The following SMIM36 variants were observed in gnomAD, a reference collection of about 807,000 sequenced individuals.
SMIM36 encodes the protein small integral membrane protein 36.
chr17:55,452,371 G>A (rs920208706), intron 4 of SMIM36, among the ~76,000 whole-genome samples: 2 of 152,150 alleles, frequency 1.3e-5, no homozygotes, highest in African/African-American at 2.4e-5. Flanking sequence ...ACACAGTTTC[G>A]TGTATATAAA....
chr17:55,511,075 C>T (rs1910172568), exon 1 of SMIM36: 2 of 398,468 alleles, frequency 5.0e-6, no homozygotes, highest in African/African-American at 2.1e-5. Flanking sequence ...GCTTTTCTTT[C>T]CTAGTGGAGC....
chr17:55,469,977 C>G (rs1909312983), intron 3 of SMIM36, among the ~76,000 whole-genome samples: 1 of 105,418 alleles, frequency 9.5e-6, no homozygotes, highest in African/African-American at 4.5e-5. Flanking sequence ...AGTGAAACTC[C>G]ATCTAAAAAA....
At chr17:55,461,437 C>G (rs1266098127) in intron 4 of SMIM36, among the ~76,000 whole-genome samples, 1 of 152,044 alleles carries the variant, frequency 6.6e-6, no homozygotes, top group Non-Finnish European at 1.5e-5. Flanking sequence ...AAAGGTGAAA[C>G]TATAGGGACA....
intron 1 of SMIM36, among the ~76,000 whole-genome samples, chr17:55,480,056 T>C (rs1258862330): frequency 6.6e-6 from 1 of 152,080 alleles, no homozygotes; most frequent in Non-Finnish European, 1.5e-5. Context: ...TCTTAGGATG[T>C]CCTATAGTAA....
chr17:55,472,938 A>C (rs1479106500), intron 3 of SMIM36, among the ~76,000 whole-genome samples: 4 of 151,876 alleles, frequency 2.6e-5, no homozygotes, highest in Non-Finnish European at 5.9e-5. Context: ...AGAAATAGCC[A>C]ATGCCTCCAC....
chr17:55,453,625 G>T (rs1317489708), intron 4 of SMIM36, among the ~76,000 whole-genome samples: 2 of 152,142 alleles, frequency 1.3e-5, no homozygotes, highest in East Asian at 1.9e-4. Flanking sequence ...ATTCTTAGAA[G>T]TTGAACACAC....
intron 1 of SMIM36, among the ~76,000 whole-genome samples, chr17:55,501,308 TTA>T (rs1909956086): frequency 2.6e-5 from 1 of 38,524 alleles, no homozygotes; most frequent in South Asian, 7.0e-4. Flanking sequence ...ATATATTATG[TTA>T]TATATTATAT....
At chr17:55,500,934 A>G in intron 1 of SMIM36, among the ~76,000 whole-genome samples, 1 of 28,240 alleles carries the variant, frequency 3.5e-5, no homozygotes, top group Admixed American at 5.9e-4. Context: ...ATTATATTTT[A>G]TAATATATAT....
chr17:55,495,565 A>T (rs1909793325), intron 1 of SMIM36, among the ~76,000 whole-genome samples: 1 of 152,014 alleles, frequency 6.6e-6, no homozygotes, highest in African/African-American at 2.4e-5. Flanking sequence ...CTAGGTAAGG[A>T]TCGGTTGAGG....
At chr17:55,486,127 C>T (rs918970827) in intron 1 of SMIM36, among the ~76,000 whole-genome samples, 12 of 151,462 alleles carry the variant, frequency 7.9e-5, no homozygotes, top group Non-Finnish European at 1.6e-4. Flanking sequence ...CCTCGCCTCC[C>T]GGGTTCAAGT....
intron 3 of SMIM36, among the ~76,000 whole-genome samples, chr17:55,471,379 G>A (rs1909339363): frequency 6.6e-6 from 1 of 152,020 alleles, no homozygotes; most frequent in African/African-American, 2.4e-5. Context: ...TCTACTCAAA[G>A]GGGTACTGAG....
chr17:55,530,837 G>A, the SMIM36 span, among the ~76,000 whole-genome samples: 44,915 of 151,998 alleles, frequency 0.3, 6,992 homozygotes, highest in East Asian at 0.49. Context: ...ATTCTTATTT[G>A]GGAATTGTCT....
chr17:55,529,642 A>C, the SMIM36 span, among the ~76,000 whole-genome samples: 1 of 151,620 alleles, frequency 6.6e-6, no homozygotes, highest in Non-Finnish European at 1.5e-5. Context: ...ACACACACAG[A>C]GTATCCAGAT....
At chr17:55,459,249 G>C (rs1909092404) in intron 4 of SMIM36, among the ~76,000 whole-genome samples, 1 of 152,140 alleles carries the variant, frequency 6.6e-6, no homozygotes, top group Non-Finnish European at 1.5e-5. Flanking sequence ...GATTAATTCG[G>C]TTTTGAATGT....
chr17:55,517,671 A>G, the SMIM36 span, among the ~76,000 whole-genome samples: 4 of 152,230 alleles, frequency 2.6e-5, no homozygotes, highest in Non-Finnish European at 5.9e-5. Context: ...TCATTTAGTG[A>G]TGTGGATGAC....
chr17:55,468,935 C>T (rs919506829), intron 3 of SMIM36, among the ~76,000 whole-genome samples: 3 of 152,116 alleles, frequency 2.0e-5, no homozygotes, highest in Non-Finnish European at 4.4e-5. Context: ...TAATGTATGT[C>T]GTAAAATGGG....
exon 1 of SMIM36, chr17:55,511,271 C>T (rs1026408318): frequency 6.8e-5 from 27 of 398,484 alleles, no homozygotes; most frequent in Non-Finnish European, 1.0e-4. Flanking sequence ...AGCAAGATGA[C>T]GTAGCTCGCA....
intron 4 of SMIM36, among the ~76,000 whole-genome samples, chr17:55,455,522 G>A (rs190336914): frequency 1.4e-3 from 215 of 152,228 alleles, no homozygotes; most frequent in African/African-American, 5.0e-3. Context: ...GGGTGCAGTG[G>A]CTCATGCCTA....
intron 3 of SMIM36, 72 bp from the exon 4 acceptor site, chr17:55,467,400 A>AT (rs879738032): frequency 0.011 from 1,587 of 144,740 alleles, 25 homozygotes; most frequent in African/African-American, 0.034. Flanking sequence ...TTTTGACCAT[A>AT]TTTTTTTTTT....
Sources: gnomAD v4.1 joint callset for allele counts (sites outside exome capture counted in the v4.1 genomes callset) on GRCh38, gnomAD v4.1.1 for gene constraint, MANE v1.5 for transcripts, NCBI Gene and HGNC (gene_info 2026-07-23, HGNC 2026-07-21) for gene names.